Variants in KDM3A observed in about 807,000 individuals in gnomAD.
KDM3A encodes the protein lysine-specific demethylase 3A.
KDM3A carries 60 observed loss-of-function variants against 158.0 expected under a neutral mutation model. The observed-to-expected ratio is 0.38, with a 90% confidence interval of 0.31 to 0.47. The LOEUF is 0.47. Ranked by LOEUF, KDM3A falls within the 20% of genes least tolerant of loss-of-function variation. The pLI is 0.99. For missense variants in KDM3A, 1,319 were observed against 1,574.3 expected (o/e 0.84, Z 2.74); for synonymous variants, 608 against 549.3 (o/e 1.11, Z -1.49).
chr2:86,474,227 C>T (rs1673545316), intron 11 of KDM3A, among the ~76,000 whole-genome samples: 1 of 152,188 alleles, frequency 6.6e-6, no homozygotes, highest in South Asian at 2.1e-4. Flanking sequence ...CCCTTCTCCT[C>T]CCTCCTCTTT....
rs766578380 is a variant in KDM3A at position 86,466,803 on chromosome 2, G to A, written c.1439G>A (p.Arg480Gln). The change falls in exon 10 of 26, where the codon CGA becomes CAA. Residue 480 changes from arginine (R) to glutamine (Q), a missense_variant. This residue lies in a region of KDM3A where 652 missense variants were observed against 627.2 expected (regional missense o/e 1.04). Coordinates refer to ENST00000312912, the MANE Select transcript of KDM3A (RefSeq NM_018433.6). ...GTAGAACCTTCAGCTTTAGCTTGCC[G>A]ATCACAGAATTTAAAGGAATCTTCA... ...KKVEPSALAC[R>Q]SQNLKESSVK... The A allele has an allele frequency of 7.4e-6, 12 of 1,613,074 alleles. No individual in the cohort carries two copies. The highest frequency in any genetic ancestry group is 5.3e-5 in the African/African-American group (4 of 74,860).
intron 11 of KDM3A, among the ~76,000 whole-genome samples, chr2:86,473,829 A>G (rs1055628020): frequency 2.0e-5 from 3 of 152,238 alleles, no homozygotes. Context: ...AGTGTTATAC[A>G]GTATTGAAGG....
In KDM3A at chr2:86,449,725, G is replaced by T. The variant is rs1250191926; in HGVS notation, c.187-82G>T. ...AAAGGATTCAAATAGAATAATGAAG[G>T]TATAGTTCAGCTGGGGCATTTGTAA... On this transcript the variant is annotated intron_variant, in intron 2 of 25. Coordinates refer to ENST00000312912, the MANE Select transcript of KDM3A (RefSeq NM_018433.6). The T allele has an allele frequency of 5.7e-6, 8 of 1,408,816 alleles. No individual in the cohort carries two copies. In the African/African-American group the frequency reaches 1.2e-4, roughly 20 times the overall value. 87.3% of individuals were successfully genotyped at this position (1,408,816 alleles called of 1,614,324 possible).
intron 12 of KDM3A, among the ~76,000 whole-genome samples, chr2:86,477,645 G>A (rs1249655096): frequency 2.0e-5 from 3 of 152,038 alleles, no homozygotes; most frequent in Non-Finnish European, 4.4e-5. Flanking sequence ...GACTGTGCCT[G>A]AATACATAAA....
In KDM3A at chr2:86,455,104, T is replaced by A; in HGVS notation, c.473T>A (p.Leu158His). The A allele has an allele frequency of 6.3e-7, 1 of 1,595,594 alleles. No individual in the cohort carries two copies. The highest frequency in any genetic ancestry group is 8.5e-7 in the Non-Finnish European group (1 of 1,171,570). Residue 158 changes from leucine (L) to histidine (H), a missense_variant, in exon 5 of 26, where the codon CTT (leucine) becomes CAT (histidine). Physicochemically the swap from Leu to His is moderately conservative, Grantham distance 99. Coordinates refer to ENST00000312912, the MANE Select transcript of KDM3A (RefSeq NM_018433.6). Reference sequence around the variant, plus strand: ...TTTCAGGATGTAAACAGTCTTCGACTTTCTCTTACGGATAATCAGATTGTC... The same window carrying A: ...TTTCAGGATGTAAACAGTCTTCGACATTCTCTTACGGATAATCAGATTGTC... ...KPIQDVNSLR[L>H]SLTDNQIVSK...
chr2:86,451,600 T>G (rs890874839), intron 4 of KDM3A, among the ~76,000 whole-genome samples: 6 of 152,188 alleles, frequency 3.9e-5, no homozygotes, highest in African/African-American at 1.4e-4. Flanking sequence ...TCTTGCAATC[T>G]CGGGTGACAG....
At chr2:86,484,726 T>C in intron 19 of KDM3A, 5 of 482,452 alleles carry the variant, frequency 1.0e-5, no homozygotes, top group Non-Finnish European at 1.9e-5. Flanking sequence ...TGGGTACAAA[T>C]GGATTTTTTT....
chr2:86,441,511 C>T (rs1322653525), intron 1 of KDM3A, 67 bp downstream of exon 1: 1 of 151,382 alleles, frequency 6.6e-6, no homozygotes, highest in Non-Finnish European at 1.5e-5. Flanking sequence ...AGCGCGCGGC[C>T]CCGTCGCCCG....
At chr2:86,453,742 C>T (rs566196059) in intron 4 of KDM3A, among the ~76,000 whole-genome samples, 1 of 152,162 alleles carries the variant, frequency 6.6e-6, no homozygotes, top group South Asian at 2.1e-4. Flanking sequence ...TATGGAGTCC[C>T]TAGGTTTGTC....
At chr2:86,481,041 A>T (rs575487070) in intron 16 of KDM3A, among the ~76,000 whole-genome samples, 1 of 152,152 alleles carries the variant, frequency 6.6e-6, no homozygotes, top group African/African-American at 2.4e-5. Context: ...AAGTTTTTCA[A>T]GGTTTTTCCA....
chr2:86,455,320 A>G (rs1447971224), intron 5 of KDM3A, 133 bp downstream of exon 5: 7 of 579,256 alleles, frequency 1.2e-5, no homozygotes, highest in Middle Eastern at 4.4e-4. Context: ...GAGACAGTCT[A>G]GTTCCTAGGC....
At chr2:86,455,813 C>A (rs555224309) in intron 5 of KDM3A, among the ~76,000 whole-genome samples, 1 of 151,290 alleles carries the variant, frequency 6.6e-6, no homozygotes, top group African/African-American at 2.4e-5. Context: ...AAAATTAGCC[C>A]GGTGTGGTGG....
At chr2:86,441,805 G>C (rs1187943771) in intron 1 of KDM3A, among the ~76,000 whole-genome samples, 2 of 150,398 alleles carry the variant, frequency 1.3e-5, no homozygotes, top group African/African-American at 2.4e-5. Flanking sequence ...AGCCAAACTT[G>C]GGAGAGCGAG....
At chr2:86,472,158 T>C (rs909812326) in intron 11 of KDM3A, among the ~76,000 whole-genome samples, 6 of 72,450 alleles carry the variant, frequency 8.3e-5, no homozygotes, top group African/African-American at 4.6e-4. Context: ...GTAATATGAT[T>C]AGAGCTTTTT....
chr2:86,484,923 C>T lies in KDM3A; in HGVS notation c.3095-19C>T, dbSNP rs756368618. Reference sequence around the variant, plus strand: ...TTCTGAATTATAAATAGTAATAGTTCATTCTGTTTACCTTTCAGATCGTTT... The same window carrying T: ...TTCTGAATTATAAATAGTAATAGTTTATTCTGTTTACCTTTCAGATCGTTT... On this transcript the variant is annotated intron_variant, in intron 19 of 25. Coordinates refer to ENST00000312912, the MANE Select transcript of KDM3A (RefSeq NM_018433.6). 3 of 1,469,150 alleles carry T rather than the reference C, an allele frequency of 2.0e-6. No homozygotes were observed. The highest frequency in any genetic ancestry group is 9.5e-7 in the Non-Finnish European group (1 of 1,049,960). 91.0% of individuals were successfully genotyped at this position (1,469,150 alleles called of 1,614,324 possible).
intron 2 of KDM3A, among the ~76,000 whole-genome samples, chr2:86,447,041 G>T (rs1225903135): frequency 6.6e-6 from 1 of 152,120 alleles, no homozygotes; most frequent in Non-Finnish European, 1.5e-5. Flanking sequence ...AGAACTCCTG[G>T]ACTCGAGTGA....
At chr2:86,448,817 G>A (rs1311484452) in intron 2 of KDM3A, among the ~76,000 whole-genome samples, 1 of 152,154 alleles carries the variant, frequency 6.6e-6, no homozygotes, top group Non-Finnish European at 1.5e-5. Flanking sequence ...TAAAAACAGT[G>A]ATTTTTACAC....
intron 15 of KDM3A, chr2:86,479,251 T>TCACA (rs1673809241): frequency 6.5e-6 from 1 of 152,784 alleles, no homozygotes; most frequent in African/African-American, 2.4e-5. Context: ...CTCCCCACCA[T>TCACA]CACATGTACG....
intron 16 of KDM3A, 126 bp from the exon 17 acceptor site, chr2:86,481,804 C>T (rs900404710): frequency 7.4e-6 from 5 of 673,854 alleles, no homozygotes; most frequent in African/African-American, 7.3e-5. Context: ...ATACTTACTC[C>T]CTAAAGTATT....
Sources: allele counts gnomAD v4.1 joint callset (sites outside exome capture counted in the v4.1 genomes callset), GRCh38; gene constraint gnomAD v4.1.1; regional missense constraint gnomAD v4.1.1; transcripts MANE v1.5; gene names NCBI Gene and HGNC (gene_info 2026-07-23, HGNC 2026-07-21).